TP63: variants seen among roughly 807,000 people sequenced by gnomAD.
TP63 encodes tumor protein 63.
In TP63, 17 loss-of-function variants were observed where a neutral mutation model predicts 82.8. That is an observed-to-expected ratio of 0.21 (90% CI 0.14 to 0.31). The LOEUF (loss-of-function observed/expected upper bound fraction) is 0.31, where lower values mean the gene tolerates loss of function less well. Among genes scored for constraint, TP63 ranks in the 10% least tolerant of loss-of-function variants. The pLI is 1.00. For synonymous variants in TP63, 330 were observed against 321.7 expected (o/e 1.03, Z -0.28); for missense variants, 648 against 895.3 (o/e 0.72, Z 3.52).
chr3:189,619,862 G>A, the TP63 span, among the ~76,000 whole-genome samples: 3 of 152,226 alleles, frequency 2.0e-5, no homozygotes, highest in Non-Finnish European at 4.4e-5. Flanking sequence ...CGTACTTCAG[G>A]AAGCCATCCT....
intron 3 of TP63, among the ~76,000 whole-genome samples, chr3:189,791,175 GA>G (rs1490794586): frequency 6.6e-6 from 1 of 152,092 alleles, no homozygotes; most frequent in Non-Finnish European, 1.5e-5. Flanking sequence ...TAATCATTCA[GA>G]AAATGATCTG....
intron 1 of TP63, among the ~76,000 whole-genome samples, chr3:189,715,339 G>A (rs986226788): frequency 2.0e-5 from 3 of 152,104 alleles, no homozygotes; most frequent in South Asian, 2.1e-4. Flanking sequence ...TTGAAATTAC[G>A]GCATTTGTTT....
intron 1 of TP63, among the ~76,000 whole-genome samples, chr3:189,685,687 A>G (rs1716376975): frequency 6.6e-6 from 1 of 152,244 alleles, no homozygotes; most frequent in Non-Finnish European, 1.5e-5. Context: ...TTTCTCTCAC[A>G]GCTGATTTTT....
chr3:189,862,523 T>G (rs1315182488), intron 4 of TP63, among the ~76,000 whole-genome samples: 1 of 152,234 alleles, frequency 6.6e-6, no homozygotes, highest in Non-Finnish European at 1.5e-5. Flanking sequence ...CTGCAATCTT[T>G]ACATACTTGG....
intron 4 of TP63, among the ~76,000 whole-genome samples, chr3:189,838,595 C>A (rs772548975): frequency 4.6e-5 from 7 of 152,020 alleles, no homozygotes; most frequent in Non-Finnish European, 8.8e-5. Context: ...CCTACACCTA[C>A]CCCCAGCCAA....
chr3:189,610,842 T>A, the TP63 span, among the ~76,000 whole-genome samples: 1 of 152,178 alleles, frequency 6.6e-6, no homozygotes, highest in Non-Finnish European at 1.5e-5. Flanking sequence ...TCCACATGGC[T>A]GGGGAGGCCT....
intron 1 of TP63, among the ~76,000 whole-genome samples, chr3:189,736,216 GTCTC>G (rs1426563345): frequency 6.7e-6 from 1 of 150,012 alleles, no homozygotes; most frequent in Non-Finnish European, 1.5e-5. Context: ...CTCTTTCTCT[GTCTC>G]TCTCACCATA....
At chr3:189,791,633 C>T (rs1018702042) in intron 3 of TP63, among the ~76,000 whole-genome samples, 83 of 152,256 alleles carry the variant, frequency 5.5e-4, no homozygotes, top group African/African-American at 1.8e-3. Flanking sequence ...CATGGCTGCA[C>T]TTCCCTACCT....
intron 3 of TP63, among the ~76,000 whole-genome samples, chr3:189,798,504 A>T (rs910236880): frequency 5.9e-5 from 9 of 151,718 alleles, no homozygotes; most frequent in African/African-American, 2.2e-4. Flanking sequence ...GTGTTTGATT[A>T]AAAAAAAGTC....
At chr3:189,872,759 A>C in intron 9 of TP63, 100 bp from the exon 10 acceptor site, 1 of 1,536,280 alleles carries the variant, frequency 6.5e-7, no homozygotes, top group South Asian at 1.2e-5. Context: ...CAAATAAACA[A>C]ATTGCAATTA....
intron 3 of TP63, among the ~76,000 whole-genome samples, chr3:189,782,529 T>A (rs987504363): frequency 6.6e-6 from 1 of 152,166 alleles, no homozygotes; most frequent in Non-Finnish European, 1.5e-5. Context: ...AGATATTTAG[T>A]AGCCATCTTC....
intron 1 of TP63, among the ~76,000 whole-genome samples, chr3:189,654,653 T>C (rs1322914919): frequency 1.3e-5 from 2 of 152,196 alleles, no homozygotes; most frequent in Admixed American, 6.5e-5. Context: ...CAAAAATATA[T>C]TTAAAAACCC....
chr3:189,844,173 C>CT (rs199967815), intron 4 of TP63: 12,986 of 326,182 alleles, frequency 0.04, 1 homozygote, highest in South Asian at 0.075. Context: ...TTTCCTTTTT[C>CT]TTTTTTTTTT....
rs1310093399 is a variant in TP63 at position 189,650,446 on chromosome 3, G to A, written c.62+18869G>A. On this transcript the variant is annotated intron_variant, in intron 1 of 13. Transcript: ENST00000264731. ...AGTTCCCATAATCCCCATCTGTTAT[G>A]AGATGAACCAGGTGGAGAAGATTGA... Among the ~76,000 whole-genome samples the A allele has an allele frequency of 2.7e-5, 4 of 146,718 alleles. 1 individual carries two copies. The highest frequency in any genetic ancestry group is 1.0e-4 in the African/African-American group (4 of 39,124).
chr3:189,679,003 T>C (rs1294972263), intron 1 of TP63, among the ~76,000 whole-genome samples: 1 of 152,022 alleles, frequency 6.6e-6, no homozygotes, highest in Non-Finnish European at 1.5e-5. Context: ...AAGTTACTTA[T>C]CAAATCTAGG....
intron 10 of TP63, chr3:189,881,624 G>C (rs1465335930): frequency 1.4e-6 from 1 of 703,070 alleles, no homozygotes; most frequent in East Asian, 1.3e-4. Context: ...TCATCACTTT[G>C]TTCCTACGTA....
chr3:189,657,017 A>G (rs1488946598), intron 1 of TP63, among the ~76,000 whole-genome samples: 2 of 28,258 alleles, frequency 7.1e-5, no homozygotes, highest in African/African-American at 1.1e-4. Flanking sequence ...ATTATGAAGC[A>G]TGCAAAAAAA....
At chr3:189,880,248 T>C in intron 10 of TP63, 3 of 1,513,454 alleles carry the variant, frequency 2.0e-6, no homozygotes, top group South Asian at 2.8e-5. Context: ...TGTGTGTGTA[T>C]GTGTGTGCGT....
intron 3 of TP63, among the ~76,000 whole-genome samples, chr3:189,750,475 G>A (rs1198412206): frequency 2.6e-5 from 4 of 152,160 alleles, no homozygotes; most frequent in Non-Finnish European, 5.9e-5. Context: ...GAGAGGACTT[G>A]AAATGTTCTC....
Sources: allele counts gnomAD v4.1 joint callset (sites outside exome capture counted in the v4.1 genomes callset), GRCh38; gene constraint gnomAD v4.1.1; transcripts MANE v1.5; gene names NCBI Gene and HGNC (gene_info 2026-07-23, HGNC 2026-07-21).